HP1BP3: variants seen among roughly 807,000 people sequenced by gnomAD.
HP1BP3 encodes heterochromatin protein 1 binding protein 3.
Under a neutral mutation model 62.5 loss-of-function variants are expected in HP1BP3, and 12 were observed. The observed-to-expected ratio is 0.19, with a 90% CI of 0.12 to 0.31. The LOEUF (loss-of-function observed/expected upper bound fraction) is 0.31. HP1BP3 is among the 10% of genes least tolerant of loss of function. HP1BP3 has a pLI of 1.00. For missense variants in HP1BP3, 502 were observed against 651.8 expected, an observed-to-expected ratio of 0.77 and a Z score of 2.50; for synonymous variants, 260 against 237.8, an observed-to-expected ratio of 1.09 and a Z score of -0.86.
chr1:20,753,504 T>C (rs192353026), intron 9 of HP1BP3, among the ~76,000 whole-genome samples: 3 of 152,340 alleles, frequency 2.0e-5, no homozygotes, highest in Non-Finnish European at 1.5e-5. Context: ...CCAATGATTG[T>C]AATTTTTGTT....
At position 20,784,626 on chromosome 1, in the gene HP1BP3, G is replaced by C. The variant is rs181388297; in HGVS notation, c.-101+2569C>G. Among the ~76,000 whole-genome samples the C allele has an allele frequency of 2.8e-3, 425 of 152,040 alleles. 1 individual carries two copies. The highest frequency in any genetic ancestry group is 9.5e-3 in the African/African-American group (396 of 41,496). On this transcript the variant is annotated intron_variant, in intron 1 of 12. Coordinates refer to ENST00000438032, the MANE Select transcript of HP1BP3 (RefSeq NM_001372052.1). ...TGAGTAGCTGGGACTACAGGCGTCC[G>C]CCACGACACCCAGCTAATTTTTTGT...
intron 1 of HP1BP3, among the ~76,000 whole-genome samples, chr1:20,781,270 T>TAA (rs950845157): frequency 1.4e-5 from 2 of 147,508 alleles, no homozygotes; most frequent in African/African-American, 5.0e-5. Context: ...TTCCTCAATA[T>TAA]AAAAAAAAAA....
intron 8 of HP1BP3, among the ~76,000 whole-genome samples, chr1:20,758,806 A>G (rs1169913578): frequency 6.6e-6 from 1 of 151,488 alleles, no homozygotes; most frequent in Non-Finnish European, 1.5e-5. Context: ...ATGCCACTAC[A>G]CCAGCTAATT....
Position 20,744,774 on chromosome 1 carries a change from GA to G in HP1BP3, c.*22del. On this transcript the variant is annotated 3_prime_UTR_variant, in exon 13 of 13. Transcript: ENST00000438032. ...AAAATAAGATTTTGAATTTCATCAT[GA>G]TACCCTTTTTTCCTATAAAATTTAC... The G allele has an allele frequency of 6.4e-7, 1 of 1,569,142 alleles. No homozygotes were observed. Among genetic ancestry groups the G allele is most frequent in the Non-Finnish European group, 8.6e-7 (1 of 1,158,878 alleles).
intron 3 of HP1BP3, 100 bp downstream of exon 3, chr1:20,779,711 GA>G (rs200327876): frequency 0.057 from 27,636 of 487,346 alleles, no homozygotes; most frequent in East Asian, 0.1. Flanking sequence ...ACTTAGCCAT[GA>G]AAAAAAAAAA....
chr1:20,757,328 G>A (rs1002124872), intron 8 of HP1BP3, 72 bp from the exon 9 acceptor site: 20 of 857,512 alleles, frequency 2.3e-5, no homozygotes, highest in Middle Eastern at 2.8e-4. Context: ...AATAGATACA[G>A]GGTTATTCCC....
chr1:20,773,258 T>A (rs576478982), intron 5 of HP1BP3, among the ~76,000 whole-genome samples, 193 bp downstream of exon 5: 49 of 151,908 alleles, frequency 3.2e-4, no homozygotes, highest in East Asian at 7.8e-4. Context: ...ATAATTTTTT[T>A]AAAAAAATTA....
chr1:20,745,878 C>T (rs2055288544), intron 11 of HP1BP3, among the ~76,000 whole-genome samples: 1 of 152,116 alleles, frequency 6.6e-6, no homozygotes, highest in Admixed American at 6.6e-5. Context: ...ATTCTATACC[C>T]ACTATTTAAT....
At chr1:20,761,935 T>A (rs1025163463) in intron 8 of HP1BP3, among the ~76,000 whole-genome samples, 3 of 152,186 alleles carry the variant, frequency 2.0e-5, no homozygotes, top group African/African-American at 7.2e-5. Flanking sequence ...GTAAGGACTA[T>A]GAATTGACCA....
At chr1:20,752,284 T>C (rs2055813319) in intron 9 of HP1BP3, among the ~76,000 whole-genome samples, 1 of 151,818 alleles carries the variant, frequency 6.6e-6, no homozygotes, top group Non-Finnish European at 1.5e-5. Context: ...TAAGATGCGA[T>C]TTGCTTTTTC....
chr1:20,755,300 G>C (rs770336721), intron 9 of HP1BP3: 5 of 437,200 alleles, frequency 1.1e-5, no homozygotes, highest in Admixed American at 7.2e-5. Flanking sequence ...AGGTGTGGTG[G>C]ATCACACCTG....
Position 20,741,693 on chromosome 1 carries a change from C to T in HP1BP3, c.*3104G>A, listed in dbSNP as rs2055088558. The stretch of plus-strand genomic sequence containing the variant: ...AGGTTAAGAAGCCAACAATCTCTCT[C>T]CCAGCACTTTCTGAGACTCATTTAT... On this transcript the variant is annotated 3_prime_UTR_variant, in exon 13 of 13. Transcript: ENST00000438032. Among the ~76,000 whole-genome samples the T allele has an allele frequency of 2.0e-5, 3 of 152,324 alleles. No homozygotes were observed. Among genetic ancestry groups the T allele is most frequent in the Non-Finnish European group, 2.9e-5 (2 of 68,036 alleles).
chr1:20,786,152 A>T (rs1430789429), intron 1 of HP1BP3: 1 of 152,326 alleles, frequency 6.6e-6, no homozygotes, highest in Non-Finnish European at 1.5e-5. Flanking sequence ...ACAGCTGTTA[A>T]TGCAGTACCA....
intron 9 of HP1BP3, among the ~76,000 whole-genome samples, chr1:20,754,876 C>T (rs927988152): frequency 3.9e-5 from 6 of 152,238 alleles, no homozygotes; most frequent in Admixed American, 2.0e-4. Context: ...TTAAAACGTA[C>T]GAGTAAATTT....
At position 20,770,968 on chromosome 1, in the gene HP1BP3, CTTGT is replaced by C; in HGVS notation, c.612_615del (p.Gln205HisfsTer2). ...CCTCTATTTAATTCTCTTTTCAGTG[CTTGT>C]TTAAGGAGATAACCCCTTCTCTCCA... On this transcript the variant is annotated frameshift_variant, in exon 6 of 13. Coordinates refer to ENST00000438032, the MANE Select transcript of HP1BP3 (RefSeq NM_001372052.1). LOFTEE classifies it high-confidence loss of function. 6.2e-7 allele frequency: 1 copy of C among 1,607,388 alleles called. No individual in the cohort carries two copies. Among genetic ancestry groups the C allele is most frequent in the Non-Finnish European group, 8.5e-7 (1 of 1,177,872 alleles).
chr1:20,765,039 G>A (rs939003648), intron 8 of HP1BP3, among the ~76,000 whole-genome samples: 14 of 151,048 alleles, frequency 9.3e-5, no homozygotes, highest in Non-Finnish European at 1.9e-4. Flanking sequence ...TGTCGTGGCG[G>A]GTGCCTGTAG....
At chr1:20,757,752 C>T (rs2056209570) in intron 8 of HP1BP3, among the ~76,000 whole-genome samples, 1 of 151,704 alleles carries the variant, frequency 6.6e-6, no homozygotes, top group African/African-American at 2.4e-5. Context: ...TCAAGGCCAA[C>T]TCTGAGTCTC....
chr1:20,762,469 A>C (rs905649284), intron 8 of HP1BP3, among the ~76,000 whole-genome samples: 1 of 152,214 alleles, frequency 6.6e-6, no homozygotes, highest in African/African-American at 2.4e-5. Context: ...AAAGGCTGTG[A>C]AAAGAAAATA....
intron 9 of HP1BP3, among the ~76,000 whole-genome samples, chr1:20,756,898 T>C (rs1338059420): frequency 1.3e-5 from 2 of 152,118 alleles, no homozygotes; most frequent in Non-Finnish European, 2.9e-5. Context: ...GTATTTTTAG[T>C]GGAGACGACA....
Sources: gnomAD v4.1 joint callset for allele counts (sites outside exome capture counted in the v4.1 genomes callset) on GRCh38, gnomAD v4.1.1 for gene constraint, MANE v1.5 for transcripts, NCBI Gene and HGNC (gene_info 2026-07-23, HGNC 2026-07-21) for gene names.